The following PPARGC1B variants were observed in gnomAD, a reference collection of about 807,000 sequenced individuals.
PPARGC1B encodes peroxisome proliferator-activated receptor gamma coactivator 1-beta.
A neutral mutation model predicts 101.6 loss-of-function variants in PPARGC1B; 34 were observed. That is an observed-to-expected ratio of 0.33 (90% CI 0.25 to 0.45). The LOEUF (loss-of-function observed/expected upper bound fraction) is 0.45, where lower values mean the gene tolerates loss of function less well. PPARGC1B is among the 20% of genes least tolerant of loss of function. The pLI is 1.00. For synonymous variants in PPARGC1B, 548 were observed against 539.3 expected (o/e 1.02, Z -0.22); for missense variants, 1,234 against 1,317.6 (o/e 0.94, Z 0.98).
rs569373622 is a variant in PPARGC1B, at chr5:149,730,602, G to C, written c.78+182G>C. On this transcript the variant is annotated intron_variant, in intron 1 of 11. Transcript: ENST00000309241. The surrounding 1 kb of genome is among the most constrained non-coding windows in gnomAD (Gnocchi z 4.0). ...CCGTTACCGGGGCAGGGAGCCGGAGGTCTCCCGGCGCGTGCCGGAGCGCTG... is the reference window on the plus strand; with the variant it reads ...CCGTTACCGGGGCAGGGAGCCGGAGCTCTCCCGGCGCGTGCCGGAGCGCTG... 7.2e-5 allele frequency among the ~76,000 whole-genome samples: 11 copies of C among 152,094 alleles called. No homozygotes were observed. The highest frequency in any genetic ancestry group is 1.5e-4 in the Non-Finnish European group (10 of 67,976).
chr5:149,781,205 A>G (rs1435020310), intron 1 of PPARGC1B, among the ~76,000 whole-genome samples: 1 of 56,010 alleles, frequency 1.8e-5, no homozygotes, highest in Non-Finnish European at 3.6e-5. Flanking sequence ...ACTTCATCTC[A>G]AAAAAAAAAA....
At chr5:149,765,545 T>C (rs771668740) in intron 1 of PPARGC1B, among the ~76,000 whole-genome samples, 3 of 152,176 alleles carry the variant, frequency 2.0e-5, no homozygotes, top group East Asian at 1.9e-4. Flanking sequence ...TTAGGTCTTA[T>C]CTGTTGCAGA....
intron 1 of PPARGC1B, among the ~76,000 whole-genome samples, chr5:149,818,090 T>A (rs1178815216): frequency 6.6e-6 from 1 of 152,002 alleles, no homozygotes; most frequent in Non-Finnish European, 1.5e-5. Flanking sequence ...AGCCACTGAG[T>A]GCTGGTGATT....
chr5:149,750,453 A>AATATATATATATAT lies in PPARGC1B; in HGVS notation c.78+20056_78+20069dup, dbSNP rs55971526. Reference sequence around the variant, plus strand: ...TAGCTGTCTTCTCTGTTTTAGTTAAAATATATATATATATATATATATATA... The same window carrying AATATATATATATAT: ...TAGCTGTCTTCTCTGTTTTAGTTAAAATATATATATATATATATATATATATATATATATATATA... On this transcript the variant is annotated intron_variant, in intron 1 of 11. Coordinates refer to ENST00000309241, the MANE Select transcript of PPARGC1B (RefSeq NM_133263.4). 5.9e-3 allele frequency among the ~76,000 whole-genome samples: 721 copies of AATATATATATATAT among 122,964 alleles called. 14 individuals carry two copies. The highest frequency in any genetic ancestry group is 8.3e-3 in the African/African-American group (265 of 31,958). The allele number at this position is 122,964 out of a possible 152,430, so 80.7% of individuals were successfully genotyped here.
intron 1 of PPARGC1B, among the ~76,000 whole-genome samples, chr5:149,792,742 C>G (rs1757066257): frequency 7.5e-6 from 1 of 134,160 alleles, no homozygotes; most frequent in South Asian, 2.4e-4. Context: ...TAGTTGTATT[C>G]ATTCATTCAT....
chr5:149,832,635 C>G lies in PPARGC1B; in HGVS notation c.583-21C>G, dbSNP rs745540605. ...GAGTGTTTGGGCCTCCTTCCTCACT[C>G]TGGCCTCTCTCCCTCTCTAGGCGGA... is the stretch of plus-strand genomic sequence containing the variant. On this transcript the variant is annotated intron_variant, in intron 4 of 11. Transcript: ENST00000309241. This position sits in a 1 kb window ranked among gnomAD's most constrained non-coding sequence, Gnocchi z 4.9. The G allele has an allele frequency of 2.3e-5, 35 of 1,512,740 alleles. No individual in the cohort carries two copies. The highest frequency in any genetic ancestry group is 2.9e-5 in the Non-Finnish European group (33 of 1,127,778). 93.7% of individuals were successfully genotyped at this position (1,512,740 alleles called of 1,614,324 possible). A position where few individuals can be genotyped will look rare whatever the true frequency, so the allele number is the denominator to read the frequency against.
intron 1 of PPARGC1B, among the ~76,000 whole-genome samples, chr5:149,731,413 C>G (rs1754460351): frequency 6.6e-6 from 1 of 151,980 alleles, no homozygotes; most frequent in African/African-American, 2.4e-5. Context: ...AGGGCTTTTT[C>G]TCTGGGCGCC....
intron 1 of PPARGC1B, among the ~76,000 whole-genome samples, chr5:149,788,868 T>C (rs985928867): frequency 2.6e-5 from 4 of 152,054 alleles, no homozygotes; most frequent in Non-Finnish European, 4.4e-5. Context: ...TAGGTGGGAA[T>C]TGAACAATGA....
intron 5 of PPARGC1B, 123 bp from the exon 6 acceptor site, chr5:149,834,551 G>T: frequency 1.3e-6 from 1 of 769,790 alleles, no homozygotes; most frequent in Non-Finnish European, 2.2e-6. Context: ...AGAGGTGTTT[G>T]GTCACCTGCC....
intron 1 of PPARGC1B, among the ~76,000 whole-genome samples, chr5:149,794,023 C>T (rs6872984): frequency 0.29 from 44,638 of 152,128 alleles, 6,811 homozygotes; most frequent in African/African-American, 0.36. Flanking sequence ...TATGTGTTGT[C>T]TGTGGCTGCT....
intron 1 of PPARGC1B, among the ~76,000 whole-genome samples, chr5:149,803,295 T>C (rs1370736114): frequency 6.6e-6 from 1 of 152,228 alleles, no homozygotes; most frequent in African/African-American, 2.4e-5. Context: ...CCTGGTCCTG[T>C]CTTTGACTTG....
At position 149,826,893 on chromosome 5, in the gene PPARGC1B, C is replaced by A. The variant is rs376230430; in HGVS notation, c.465+8C>A. On this transcript the variant is annotated splice_region_variant and intron_variant, in intron 3 of 11. Coordinates refer to ENST00000309241, the MANE Select transcript of PPARGC1B (RefSeq NM_133263.4). ...GTGGACGAGCTCTCACTGGTAAGAA[C>A]CTACTTACAGCAGAAGTGATGGTTG... 122 of 1,597,598 alleles carry A rather than the reference C, an allele frequency of 7.6e-5. No homozygotes were observed. The African/African-American group carries it at 1.3e-3, about 18-fold the overall frequency.
chr5:149,749,201 A>G (rs915439657), intron 1 of PPARGC1B, among the ~76,000 whole-genome samples: 1 of 152,222 alleles, frequency 6.6e-6, no homozygotes, highest in Non-Finnish European at 1.5e-5. Flanking sequence ...ACTTAGTGCC[A>G]TCATAATGAT....
intron 1 of PPARGC1B, among the ~76,000 whole-genome samples, chr5:149,748,455 G>A (rs1439150874): frequency 6.6e-6 from 1 of 152,098 alleles, no homozygotes; most frequent in African/African-American, 2.4e-5. Context: ...AGATGGTTTG[G>A]TGACAGTTTA....
intron 1 of PPARGC1B, chr5:149,732,706 C>G: frequency 2.3e-6 from 1 of 436,386 alleles, no homozygotes; most frequent in Non-Finnish European, 4.7e-6. Context: ...GAGAGCCCAG[C>G]CGGAAGAGGA....
chr5:149,840,055 G>A lies in PPARGC1B; in HGVS notation c.2633G>A (p.Gly878Glu). ...TRRNFRCESR[G>E]PCSDRTPSIR... Reference sequence around the variant, plus strand: ...TTCACTGACAGATGTGAGAGCAGAGGGCCGTGTTCAGACAGAACGCCAAGC... The same window carrying A: ...TTCACTGACAGATGTGAGAGCAGAGAGCCGTGTTCAGACAGAACGCCAAGC... The change falls in exon 9 of 12, where the codon GGG becomes GAG. Residue 878 changes from glycine (G) to glutamate (E), a missense_variant. This residue lies in a region of PPARGC1B where 497 missense variants were observed against 529.5 expected (regional missense o/e 0.94). Transcript: ENST00000309241. The A allele has an allele frequency of 6.2e-7, 1 of 1,614,162 alleles. No homozygotes were observed. Among genetic ancestry groups the A allele is most frequent in the Non-Finnish European group, 8.5e-7 (1 of 1,180,032 alleles).
intron 1 of PPARGC1B, among the ~76,000 whole-genome samples, chr5:149,758,649 A>G (rs1224578637): frequency 1.3e-5 from 2 of 152,214 alleles, no homozygotes; most frequent in African/African-American, 4.8e-5. Flanking sequence ...ACATGCCCCC[A>G]GGAACTCATC....
At chr5:149,826,966 C>A (rs1758554352) in intron 3 of PPARGC1B, 81 bp downstream of exon 3, 6 of 1,073,188 alleles carry the variant, frequency 5.6e-6, no homozygotes, top group Non-Finnish European at 8.3e-6. Context: ...GCAGAGCAAT[C>A]CGCTCCAGCC....
intron 1 of PPARGC1B, chr5:149,732,736 C>A: frequency 2.1e-6 from 1 of 465,240 alleles, no homozygotes; most frequent in Non-Finnish European, 4.5e-6. Context: ...GCCCAGTGTG[C>A]TCCTCCTTAT....
Sources: allele counts gnomAD v4.1 joint callset (sites outside exome capture counted in the v4.1 genomes callset), GRCh38; gene constraint gnomAD v4.1.1; regional missense constraint gnomAD v4.1.1; non-coding constraint Gnocchi (gnomAD v3.1); transcripts MANE v1.5; gene names NCBI Gene and HGNC (gene_info 2026-07-23, HGNC 2026-07-21).